BMPER: variants seen among roughly 807,000 people sequenced by gnomAD.
BMPER encodes the protein BMP-binding endothelial regulator protein.
Under a neutral mutation model 87.3 loss-of-function variants are expected in BMPER, and 45 were observed. That is an observed-to-expected ratio of 0.52 (90% CI 0.41 to 0.66). The LOEUF is 0.66. Ranked by LOEUF, BMPER falls within the 30% of genes least tolerant of loss-of-function variation. The probability of loss-of-function intolerance (pLI) is 0.00; values close to 1 mark genes in which losing one functional copy is unlikely to be tolerated. For missense variants in BMPER, 784 were observed against 867.5 expected (o/e 0.90, Z 1.21); for synonymous variants, 326 against 316.2 (o/e 1.03, Z -0.33).
At chr7:33,922,564 G>T (rs191781485) in intron 2 of BMPER, among the ~76,000 whole-genome samples, 65 of 152,306 alleles carry the variant, frequency 4.3e-4, no homozygotes, top group African/African-American at 1.3e-3. Flanking sequence ...CGTCTCTAGT[G>T]ATAAGCAGAA....
chr7:34,061,402 C>T (rs945689891), intron 10 of BMPER, among the ~76,000 whole-genome samples: 35 of 152,170 alleles, frequency 2.3e-4, no homozygotes, highest in Admixed American at 2.0e-3. Context: ...CTCAGTGTTT[C>T]AAAATTCTCA....
rs148691108 is a variant in BMPER at position 33,937,315 on chromosome 7, G to A, written c.246G>A (p.Glu82=). ...ACAAGGAAGTGACATGTAAGAGAGA[G>A]AAGTGCCCCGTGCTGTCCCGAGACT... ...CLNKEVTCKR[E]KCPVLSRDCA... is the part of the protein sequence containing the mutation. Residue 82 remains glutamate, a synonymous_variant, in exon 3 of 15, where the codon GAG becomes GAA. Transcript: ENST00000649409. 5.1e-5 allele frequency: 83 copies of A among 1,614,094 alleles called. No individual in the cohort carries two copies. The highest frequency in any genetic ancestry group is 1.0e-5 in the Non-Finnish European group (12 of 1,180,036).
intron 2 of BMPER, among the ~76,000 whole-genome samples, chr7:33,934,630 T>G (rs979212549): frequency 6.6e-6 from 1 of 152,226 alleles, no homozygotes; most frequent in Non-Finnish European, 1.5e-5. Context: ...GATCCTGTTA[T>G]GGATTTTGAC....
chr7:33,933,714 C>T (rs1205507290), intron 2 of BMPER, among the ~76,000 whole-genome samples: 1 of 152,120 alleles, frequency 6.6e-6, no homozygotes, highest in East Asian at 1.9e-4. Flanking sequence ...GCTCTGCTTT[C>T]GTTAGAGAGT....
chr7:33,945,003 ACG>A (rs1334815037), intron 3 of BMPER, among the ~76,000 whole-genome samples: 1 of 150,500 alleles, frequency 6.6e-6, no homozygotes, highest in Non-Finnish European at 1.5e-5. Flanking sequence ...GTGCAGTGGC[ACG>A]ATCTTGGCTC....
intron 9 of BMPER, among the ~76,000 whole-genome samples, chr7:34,057,170 C>T (rs1788307894): frequency 6.6e-6 from 1 of 151,944 alleles, no homozygotes; most frequent in East Asian, 1.9e-4. Flanking sequence ...CTGTTTTTAA[C>T]AAAAATCTGC....
At chr7:34,135,494 T>C (rs990447815) in intron 13 of BMPER, among the ~76,000 whole-genome samples, 8 of 152,186 alleles carry the variant, frequency 5.3e-5, no homozygotes, top group Non-Finnish European at 1.0e-4. Context: ...TCTGCTGAGC[T>C]GCCCTGCAGG....
rs1315361695 is a variant in BMPER, at chr7:34,075,436, T to C, written c.1079-3421T>C. On this transcript the variant is annotated intron_variant, in intron 11 of 14. Transcript: ENST00000649409. ...AAACACTCACTCCTATTGTCTGGTT[T>C]TGTACACTTCTGATCTTTTTTACCC... Among the ~76,000 whole-genome samples the C allele has an allele frequency of 2.6e-5, 4 of 152,148 alleles. No individual in the cohort carries two copies. In the East Asian group the frequency reaches 7.7e-4, roughly 29 times the overall value.
intron 13 of BMPER, among the ~76,000 whole-genome samples, chr7:34,090,434 C>T (rs1175211389): frequency 1.3e-5 from 2 of 152,098 alleles, no homozygotes; most frequent in Admixed American, 1.3e-4. Context: ...TCCCAGATGC[C>T]AACCGAGCAA....
chr7:33,944,416 G>A (rs767633508), intron 3 of BMPER, among the ~76,000 whole-genome samples: 2 of 152,024 alleles, frequency 1.3e-5, no homozygotes, highest in African/African-American at 2.4e-5. Context: ...ATCCACCTGC[G>A]TTGGCCTCCC....
intron 2 of BMPER, among the ~76,000 whole-genome samples, chr7:33,930,586 C>T (rs985503840): frequency 2.4e-4 from 36 of 152,002 alleles, no homozygotes; most frequent in Admixed American, 2.1e-3. Context: ...TTCCCCTGAC[C>T]GAATGTTCTA....
chr7:34,107,309 A>G (rs1789843892), intron 13 of BMPER, among the ~76,000 whole-genome samples: 1 of 152,232 alleles, frequency 6.6e-6, no homozygotes, highest in South Asian at 2.1e-4. Context: ...TGGGTGTGGC[A>G]ACTCAGCACA....
chr7:34,060,285 G>A (rs1326084343), intron 10 of BMPER, among the ~76,000 whole-genome samples: 2 of 151,916 alleles, frequency 1.3e-5, no homozygotes, highest in African/African-American at 4.8e-5. Flanking sequence ...AGTCACATTT[G>A]TTTGGAGTCT....
At position 34,155,819 on chromosome 7, in the gene BMPER, A is replaced by C. The variant is rs144228941; in HGVS notation, c.*2546A>C. ...TGGGATGTTTTCAATTGGTTCTTCA[A>C]CTAAGCTCTTGCAGAGTGAGATGAC... is the stretch of plus-strand genomic sequence containing the variant. On this transcript the variant is annotated 3_prime_UTR_variant, in exon 15 of 15. Coordinates refer to ENST00000649409, the MANE Select transcript of BMPER (RefSeq NM_001365308.1). The C allele has an allele frequency of 1.3e-5, 2 of 152,334 alleles. No homozygotes were observed. Among genetic ancestry groups the C allele is most frequent in the African/African-American group, 4.8e-5 (2 of 41,576 alleles). The allele number at this position is 152,334 out of a possible 1,614,324, so 9.4% of individuals were successfully genotyped here.
intron 12 of BMPER, among the ~76,000 whole-genome samples, chr7:34,081,738 T>C (rs1789054362): frequency 6.6e-6 from 1 of 152,240 alleles, no homozygotes. Flanking sequence ...CTTTTTACTT[T>C]ATTTTTGGTA....
At chr7:34,010,689 T>C (rs149450223) in intron 6 of BMPER, among the ~76,000 whole-genome samples, 31 of 152,098 alleles carry the variant, frequency 2.0e-4, no homozygotes, top group African/African-American at 6.3e-4. Context: ...TCTAGGGTTA[T>C]ATTCATGAGT....
At chr7:33,995,403 A>G (rs1786378162) in intron 6 of BMPER, among the ~76,000 whole-genome samples, 1 of 152,092 alleles carries the variant, frequency 6.6e-6, no homozygotes, top group Non-Finnish European at 1.5e-5. Flanking sequence ...CCTGAAGGCA[A>G]GGAGAAGACA....
At chr7:33,950,156 G>T (rs963323636) in intron 3 of BMPER, among the ~76,000 whole-genome samples, 9 of 152,162 alleles carry the variant, frequency 5.9e-5, no homozygotes, top group Non-Finnish European at 1.5e-5. Flanking sequence ...AGGGCTTGTT[G>T]TGGACTTCTG....
chr7:34,055,432 T>TAC, intron 9 of BMPER, 129 bp downstream of exon 9: 1 of 1,160,030 alleles, frequency 8.6e-7, no homozygotes, highest in Non-Finnish European at 1.3e-6. Context: ...TGTGTGCATA[T>TAC]ATTAATAGAA....
Sources: allele counts gnomAD v4.1 joint callset (sites outside exome capture counted in the v4.1 genomes callset), GRCh38; gene constraint gnomAD v4.1.1; transcripts MANE v1.5; gene names NCBI Gene and HGNC (gene_info 2026-07-23, HGNC 2026-07-21).